Variants in GPC6 observed in about 807,000 individuals in gnomAD.
GPC6 encodes the protein glypican-6.
In GPC6, 14 loss-of-function variants were observed where a neutral mutation model predicts 55.2. That is an observed-to-expected ratio of 0.25 (90% CI 0.17 to 0.40). The LOEUF is 0.40. Among genes scored for constraint, GPC6 ranks in the 10% least tolerant of loss-of-function variants. The pLI is 1.00. For missense variants in GPC6, 641 were observed against 708.5 expected (o/e 0.90, Z 1.08); for synonymous variants, 278 against 259.6 (o/e 1.07, Z -0.68).
chr13:93,657,593 T>A (rs1262770257), intron 2 of GPC6, among the ~76,000 whole-genome samples: 3 of 152,000 alleles, frequency 2.0e-5, no homozygotes, highest in African/African-American at 7.2e-5. Flanking sequence ...AAACAAAATT[T>A]GACAAGTGGG....
chr13:93,853,736 C>T (rs141858061), intron 3 of GPC6, among the ~76,000 whole-genome samples: 3 of 151,720 alleles, frequency 2.0e-5, no homozygotes, highest in African/African-American at 7.2e-5. Context: ...TAATGATACA[C>T]GTTAATGTGT....
chr13:93,890,268 A>G (rs182071535), intron 3 of GPC6, among the ~76,000 whole-genome samples: 20 of 152,216 alleles, frequency 1.3e-4, no homozygotes, highest in Admixed American at 1.0e-3. Context: ...TCTTTGTGGT[A>G]CTTAACACTG....
At chr13:94,262,645 C>T (rs1466469322) in intron 4 of GPC6, among the ~76,000 whole-genome samples, 1 of 149,680 alleles carries the variant, frequency 6.7e-6, no homozygotes, top group African/African-American at 2.5e-5. Context: ...TGCACTCCAG[C>T]CTGGGCGACA....
chr13:94,168,128 A>G (rs1313667253), intron 4 of GPC6, among the ~76,000 whole-genome samples: 1 of 152,220 alleles, frequency 6.6e-6, no homozygotes, highest in Admixed American at 6.5e-5. Flanking sequence ...GATTTGACCA[A>G]GACAACTCAG....
intron 4 of GPC6, among the ~76,000 whole-genome samples, chr13:94,140,844 T>C: frequency 6.6e-6 from 1 of 152,072 alleles, no homozygotes; most frequent in East Asian, 1.9e-4. Context: ...AATCTGCCAG[T>C]GCCACCTTTG....
chr13:94,154,752 C>A (rs1156723093), intron 4 of GPC6, among the ~76,000 whole-genome samples: 1 of 152,124 alleles, frequency 6.6e-6, no homozygotes, highest in East Asian at 1.9e-4. Context: ...TTAAACTCTG[C>A]CTTTTAAGAC....
intron 1 of GPC6, among the ~76,000 whole-genome samples, chr13:93,338,135 T>C (rs1436887233): frequency 6.6e-6 from 1 of 152,202 alleles, no homozygotes; most frequent in Non-Finnish European, 1.5e-5. Context: ...TTTTCTCTTC[T>C]ATACCTATAA....
At chr13:93,589,856 A>G (rs1392260946) in intron 2 of GPC6, among the ~76,000 whole-genome samples, 1 of 152,230 alleles carries the variant, frequency 6.6e-6, no homozygotes, top group Non-Finnish European at 1.5e-5. Context: ...CATGTGGAGT[A>G]AGTTAGCCTG....
chr13:94,395,232 A>T (rs1444387420), intron 7 of GPC6, among the ~76,000 whole-genome samples: 1 of 152,240 alleles, frequency 6.6e-6, no homozygotes, highest in Non-Finnish European at 1.5e-5. Flanking sequence ...TCAGGAAAAC[A>T]GTCTCAGGAT....
At chr13:93,232,540 G>A (rs1486395207) in intron 1 of GPC6, among the ~76,000 whole-genome samples, 1 of 152,138 alleles carries the variant, frequency 6.6e-6, no homozygotes, top group African/African-American at 2.4e-5. Flanking sequence ...GGGAACAAGA[G>A]TTCATTTGAG....
At chr13:93,444,294 C>A (rs1001944661) in intron 1 of GPC6, among the ~76,000 whole-genome samples, 2 of 144,272 alleles carry the variant, frequency 1.4e-5, no homozygotes, top group African/African-American at 2.6e-5. Context: ...TATTAAGAGA[C>A]AAGAAATTGA....
At chr13:93,875,418 T>C (rs1050487223) in intron 3 of GPC6, among the ~76,000 whole-genome samples, 4 of 152,176 alleles carry the variant, frequency 2.6e-5, no homozygotes, top group African/African-American at 9.6e-5. Flanking sequence ...AAGAAACTTA[T>C]CTTGTCTCAG....
Position 93,930,275 on chromosome 13 carries a change from G to GTTTTTTTTTTT in GPC6, c.712-97451_712-97441dup, listed in dbSNP as rs35858695. On this transcript the variant is annotated intron_variant, in intron 3 of 8. Coordinates refer to ENST00000377047, the MANE Select transcript of GPC6 (RefSeq NM_005708.5). ...TTTTAAAGGTTATTGGAAACGAAAG[G>GTTTTTTTTTTT]TTTTTTTTTTTTTGTAGACAGAGTC... 5.6e-3 allele frequency among the ~76,000 whole-genome samples: 698 copies of GTTTTTTTTTTT among 123,756 alleles called. 43 individuals carry two copies. The highest frequency in any genetic ancestry group is 0.02 in the African/African-American group (610 of 31,222). 81.2% of individuals were successfully genotyped at this position (123,756 alleles called of 152,430 possible).
chr13:93,434,003 A>G (rs551253597), intron 1 of GPC6, among the ~76,000 whole-genome samples: 4 of 152,256 alleles, frequency 2.6e-5, no homozygotes, highest in South Asian at 4.1e-4. Context: ...CAGTTTCTCC[A>G]TCTATAAAAT....
intron 3 of GPC6, among the ~76,000 whole-genome samples, chr13:93,865,680 ATAT>A (rs1418296959): frequency 6.6e-6 from 1 of 151,686 alleles, no homozygotes; most frequent in East Asian, 2.0e-4. Context: ...GATAATAAAG[ATAT>A]TGATTCTCAT....
At chr13:93,419,768 T>C (rs1221384999) in intron 1 of GPC6, among the ~76,000 whole-genome samples, 1 of 152,096 alleles carries the variant, frequency 6.6e-6, no homozygotes, top group African/African-American at 2.4e-5. Flanking sequence ...TTTTATTGTG[T>C]TTATGAACTT....
chr13:93,760,038 C>A lies in GPC6; in HGVS notation c.320-70116C>A, dbSNP rs200180967. On this transcript the variant is annotated intron_variant, in intron 2 of 8. Coordinates refer to ENST00000377047, the MANE Select transcript of GPC6 (RefSeq NM_005708.5). ...ATGCTGAGAAAACAAAAAAAAAAAT[C>A]GTGAATAACAGGGGCATTAGTTGAA... 5.6e-5 allele frequency among the ~76,000 whole-genome samples: 7 copies of A among 125,102 alleles called. No homozygotes were observed. The East Asian group carries it at 1.6e-3, about 29-fold the overall frequency. The allele number at this position is 125,102 out of a possible 152,430, so 82.1% of individuals were successfully genotyped here.
At chr13:93,603,392 C>T (rs1243028466) in intron 2 of GPC6, among the ~76,000 whole-genome samples, 1 of 152,128 alleles carries the variant, frequency 6.6e-6, no homozygotes, top group East Asian at 1.9e-4. Context: ...TTTAGTATTT[C>T]AATTAGTTGT....
At chr13:93,586,402 T>C (rs1453788462) in intron 2 of GPC6, among the ~76,000 whole-genome samples, 1 of 152,102 alleles carries the variant, frequency 6.6e-6, no homozygotes, top group Non-Finnish European at 1.5e-5. Context: ...TGCTATTGTG[T>C]AGTGCTGCAA....
Sources: allele counts gnomAD v4.1 joint callset (sites outside exome capture counted in the v4.1 genomes callset), GRCh38; gene constraint gnomAD v4.1.1; transcripts MANE v1.5; gene names NCBI Gene and HGNC (gene_info 2026-07-23, HGNC 2026-07-21).